The following ATG16L1 variants were observed in gnomAD, a reference collection of about 807,000 sequenced individuals.
ATG16L1 encodes autophagy related 16 like 1, also known as autophagy-related protein 16-1.
ATG16L1 carries 37 observed loss-of-function variants against 88.5 expected under a neutral mutation model. The ratio of observed to expected loss-of-function variants is 0.42; its 90% CI spans 0.32 to 0.55. ATG16L1 has a LOEUF of 0.55. ATG16L1 is among the 20% of genes least tolerant of loss of function. ATG16L1 has a pLI of 0.13. For synonymous variants in ATG16L1, 301 were observed against 281.0 expected, an observed-to-expected ratio of 1.07 and a Z score of -0.71; for missense variants, 554 against 752.8, an observed-to-expected ratio of 0.74 and a Z score of 3.09.
chr2:233,272,258 G>T (rs1698046692), intron 6 of ATG16L1, among the ~76,000 whole-genome samples: 1 of 152,158 alleles, frequency 6.6e-6, no homozygotes, highest in Non-Finnish European at 1.5e-5. Flanking sequence ...GAGGTACTTT[G>T]CATCCGCTGG....
intron 5 of ATG16L1, among the ~76,000 whole-genome samples, chr2:233,267,716 G>A (rs930763237): frequency 1.3e-5 from 2 of 152,226 alleles, no homozygotes; most frequent in African/African-American, 4.8e-5. Flanking sequence ...GCTGGATGCT[G>A]CTAGGTTGCA....
chr2:233,293,291 A>C lies in ATG16L1; in HGVS notation c.1664A>C (p.Glu555Ala). ...AGTTACGTGGCGGCAGGCTCTGCTG[A>C]GGGCTCTCTGTATATCTGGAGTGTG... ...DGSYVAAGSAEGSLYIWSVLT... is the reference protein window; with the variant it reads ...DGSYVAAGSAAGSLYIWSVLT... Residue 555 changes from glutamate (E) to alanine (A), a missense_variant, in exon 17 of 18, where the codon GAG becomes GCG. Physicochemically the swap from Glu to Ala is moderately radical, Grantham distance 107. Around this residue, in one of 5 missense-constraint regions of ATG16L1, gnomAD observed 370 missense variants for 509.7 expected, o/e 0.73. Transcript: ENST00000392017. 6.2e-7 allele frequency: 1 copy of C among 1,614,144 alleles called. No homozygotes were observed. The highest frequency in any genetic ancestry group is 1.1e-5 in the South Asian group (1 of 91,072).
intron 14 of ATG16L1, 23 bp from the exon 15 acceptor site, chr2:233,292,105 C>G (rs924898654): frequency 3.1e-6 from 5 of 1,612,342 alleles, no homozygotes; most frequent in Admixed American, 3.3e-5. Flanking sequence ...CGTTACATTT[C>G]TCAGATCTGT....
chr2:233,286,512 A>T (rs1271997811), intron 12 of ATG16L1, among the ~76,000 whole-genome samples: 1 of 152,012 alleles, frequency 6.6e-6, no homozygotes, highest in Non-Finnish European at 1.5e-5. Context: ...AGGTGAATGA[A>T]TGCCTGTAGG....
At chr2:233,263,871 G>T in intron 3 of ATG16L1, 121 bp from the exon 4 acceptor site, 1 of 874,202 alleles carries the variant, frequency 1.1e-6, no homozygotes, top group East Asian at 2.7e-5. Flanking sequence ...TAGGCGCCTC[G>T]GCTCCTTGCT....
intron 1 of ATG16L1, among the ~76,000 whole-genome samples, chr2:233,254,599 C>T (rs770051403): frequency 2.0e-4 from 30 of 152,176 alleles, no homozygotes; most frequent in Non-Finnish European, 3.1e-4. Flanking sequence ...TCCTTTTGAA[C>T]GCCTGTGTTT....
chr2:233,290,467 CG>C, intron 14 of ATG16L1, 114 bp downstream of exon 14: 1 of 825,142 alleles, frequency 1.2e-6, no homozygotes, highest in Non-Finnish European at 2.1e-6. Context: ...TTTCGGTACA[CG>C]TATAGTGTTA....
At position 233,294,410 on chromosome 2, in the gene ATG16L1, T is replaced by A; in HGVS notation, c.*60T>A. 3 of 1,373,270 alleles carry A rather than the reference T, an allele frequency of 2.2e-6. No individual in the cohort carries two copies. The highest frequency in any genetic ancestry group is 1.2e-5 in the South Asian group (1 of 83,692). The allele number at this position is 1,373,270 out of a possible 1,614,324, so 85.1% of individuals were successfully genotyped here. On this transcript the variant is annotated 3_prime_UTR_variant, in exon 18 of 18. Coordinates refer to ENST00000392017, the MANE Select transcript of ATG16L1 (RefSeq NM_030803.7). The stretch of plus-strand genomic sequence containing the variant: ...TCCTCAGAAGAAGCACATGGGCTCC[T>A]GCAGCCCTGTCCTGGCAGGTGATGT...
At chr2:233,279,214 A>C (rs1008025524) in intron 10 of ATG16L1, among the ~76,000 whole-genome samples, 1 of 152,222 alleles carries the variant, frequency 6.6e-6, no homozygotes, top group African/African-American at 2.4e-5. Flanking sequence ...TTGATTTGCA[A>C]AATCAAAGTA....
intron 11 of ATG16L1, 54 bp from the exon 12 acceptor site, chr2:233,282,628 C>T: frequency 6.8e-7 from 1 of 1,465,624 alleles, no homozygotes; most frequent in South Asian, 1.1e-5. Context: ...ATCGTGTGAA[C>T]TGAATTCCTC....
intron 12 of ATG16L1, among the ~76,000 whole-genome samples, chr2:233,284,332 A>G (rs1283685719): frequency 6.7e-6 from 1 of 149,476 alleles, no homozygotes; most frequent in Non-Finnish European, 1.5e-5. Flanking sequence ...TTCGTTTTTT[A>G]AATTTATTTA....
chr2:233,261,112 C>T (rs1195539162), intron 2 of ATG16L1, among the ~76,000 whole-genome samples: 1 of 152,124 alleles, frequency 6.6e-6, no homozygotes, highest in East Asian at 1.9e-4. Context: ...CCCGCCACCA[C>T]GCCCAGCTAA....
chr2:233,255,394 T>C (rs1231582075), intron 1 of ATG16L1, among the ~76,000 whole-genome samples: 1 of 152,242 alleles, frequency 6.6e-6, no homozygotes, highest in Admixed American at 6.5e-5. Context: ...TCCCCTCTTG[T>C]GTTCTCTCAC....
intron 12 of ATG16L1, among the ~76,000 whole-genome samples, chr2:233,283,883 C>T (rs1204378389): frequency 6.6e-6 from 1 of 150,728 alleles, no homozygotes; most frequent in African/African-American, 2.4e-5. Flanking sequence ...CTTGCTCTGT[C>T]ATCCAGGCTA....
At chr2:233,262,091 G>A (rs1323180866) in intron 2 of ATG16L1, among the ~76,000 whole-genome samples, 1 of 152,156 alleles carries the variant, frequency 6.6e-6, no homozygotes, top group Non-Finnish European at 1.5e-5. Flanking sequence ...CCATTTCAGT[G>A]GGTGACACCT....
chr2:233,264,134 TGTG>T, intron 4 of ATG16L1, 69 bp downstream of exon 4: 1 of 1,512,640 alleles, frequency 6.6e-7, no homozygotes, highest in South Asian at 1.1e-5. Context: ...GCTGACCTCT[TGTG>T]AGCAGGGCCA....
chr2:233,269,602 G>A (rs1394462478), intron 5 of ATG16L1, among the ~76,000 whole-genome samples: 5 of 152,204 alleles, frequency 3.3e-5, no homozygotes, highest in Non-Finnish European at 7.3e-5. Flanking sequence ...AACACTGGTA[G>A]TCCCAAACAT....
chr2:233,273,581 G>A, intron 7 of ATG16L1, 140 bp from the exon 8 acceptor site: 1 of 747,130 alleles, frequency 1.3e-6, no homozygotes, highest in South Asian at 1.7e-5. Flanking sequence ...GTTTGGTACT[G>A]TGTTGGGTTT....
At chr2:233,282,784 C>G in intron 12 of ATG16L1, 31 bp downstream of exon 12, 1 of 1,596,052 alleles carries the variant, frequency 6.3e-7, no homozygotes, top group Non-Finnish European at 8.6e-7. Flanking sequence ...TTAGTGCAAT[C>G]TCCAAACTTC....
Sources: allele counts gnomAD v4.1 joint callset (sites outside exome capture counted in the v4.1 genomes callset), GRCh38; gene constraint gnomAD v4.1.1; regional missense constraint gnomAD v4.1.1; transcripts MANE v1.5; gene names NCBI Gene and HGNC (gene_info 2026-07-23, HGNC 2026-07-21).